CDYL: variants seen among roughly 807,000 people sequenced by gnomAD.
CDYL encodes the protein chromodomain Y like.
CDYL carries 8 observed loss-of-function variants against 47.3 expected under a neutral mutation model. The observed-to-expected ratio is 0.17, with a 90% CI of 0.10 to 0.31. CDYL has a LOEUF of 0.31. Among genes scored for constraint, CDYL ranks in the 10% least tolerant of loss-of-function variants. The pLI is 1.00. For missense variants in CDYL, 471 were observed against 701.4 expected (o/e 0.67, Z 3.71); for synonymous variants, 266 against 265.0 (o/e 1.00, Z -0.04).
chr6:4,953,558 T>G (rs1272815506), intron 6 of CDYL, among the ~76,000 whole-genome samples: 1 of 152,184 alleles, frequency 6.6e-6, no homozygotes, highest in African/African-American at 2.4e-5. Flanking sequence ...TCAACAGGCA[T>G]CCCCAGAGCT....
intron 1 of CDYL, among the ~76,000 whole-genome samples, chr6:4,866,656 G>A (rs1467220968): frequency 2.6e-5 from 4 of 152,034 alleles, no homozygotes; most frequent in African/African-American, 9.7e-5. Context: ...TTTGCTTAAA[G>A]TCACAGTTTC....
chr6:4,801,164 A>G (rs145861522), intron 1 of CDYL, among the ~76,000 whole-genome samples: 2 of 152,322 alleles, frequency 1.3e-5, no homozygotes, highest in East Asian at 3.9e-4. Context: ...AGCCAGTCTA[A>G]TGCATTTATT....
intron 2 of CDYL, among the ~76,000 whole-genome samples, chr6:4,932,856 T>A (rs1758071501): frequency 6.6e-6 from 1 of 152,202 alleles, no homozygotes. Flanking sequence ...TTTTAACAAC[T>A]GCTGTGCCCA....
intron 1 of CDYL, among the ~76,000 whole-genome samples, chr6:4,799,401 A>C (rs1759162468): frequency 6.6e-6 from 1 of 152,182 alleles, no homozygotes; most frequent in South Asian, 2.1e-4. Context: ...CTTTTCATAA[A>C]TACCAGCTAA....
chr6:4,847,059 C>T (rs898590520), intron 1 of CDYL, among the ~76,000 whole-genome samples: 28 of 152,174 alleles, frequency 1.8e-4, no homozygotes, highest in Admixed American at 1.8e-3. Context: ...CTAATGAGAC[C>T]CAGTTACAGT....
At chr6:4,795,108 T>C (rs1418357082) in intron 1 of CDYL, among the ~76,000 whole-genome samples, 1 of 152,158 alleles carries the variant, frequency 6.6e-6, no homozygotes, top group African/African-American at 2.4e-5. Flanking sequence ...CTGTAAAATT[T>C]TACTATTAAA....
rs1757720533 is a variant in CDYL, at chr6:4,737,338, A to C, written c.186+2494A>C. On this transcript the variant is annotated intron_variant, in intron 3 of 8. Transcript: ENST00000328908. ...ACACGTCACAGACCAAAAATAACAA[A>C]CTTAAGAAATATTTGCAACAAAAAT... Among the ~76,000 whole-genome samples, 3 of 123,716 alleles carry C rather than the reference A, an allele frequency of 2.4e-5. No homozygotes were observed. The South Asian group carries it at 9.2e-4, about 38-fold the overall frequency. 81.2% of individuals were successfully genotyped at this position (123,716 alleles called of 152,430 possible).
At chr6:4,731,971 C>T (rs1012713780) in intron 2 of CDYL, among the ~76,000 whole-genome samples, 1 of 152,020 alleles carries the variant, frequency 6.6e-6, no homozygotes, top group Non-Finnish European at 1.5e-5. Flanking sequence ...ATAATATATT[C>T]TCTTGTATGT....
At chr6:4,834,433 C>G (rs1452278675) in intron 1 of CDYL, among the ~76,000 whole-genome samples, 2 of 148,290 alleles carry the variant, frequency 1.3e-5, no homozygotes, top group African/African-American at 5.0e-5. Context: ...GAGTTTCTGC[C>G]GAGAGATCCG....
intron 5 of CDYL, 116 bp downstream of exon 5, chr6:4,943,872 C>A: frequency 1.3e-6 from 1 of 745,472 alleles, no homozygotes; most frequent in South Asian, 2.1e-5. Flanking sequence ...TGGGGACTTT[C>A]CATCTTGTAA....
intron 1 of CDYL, among the ~76,000 whole-genome samples, chr6:4,868,317 C>A (rs1761379521): frequency 6.6e-6 from 1 of 151,744 alleles, no homozygotes; most frequent in African/African-American, 2.4e-5. Flanking sequence ...TCATTCAATT[C>A]TAAATACTTT....
chr6:4,789,685 G>A (rs115242843), intron 1 of CDYL, among the ~76,000 whole-genome samples: 326 of 152,282 alleles, frequency 2.1e-3, no homozygotes, highest in African/African-American at 7.4e-3. Context: ...TGGGTTCAGC[G>A]TTGTTCCCAA....
At chr6:4,910,533 C>T (rs1196875918) in intron 2 of CDYL, among the ~76,000 whole-genome samples, 1 of 152,228 alleles carries the variant, frequency 6.6e-6, no homozygotes, top group African/African-American at 2.4e-5. Flanking sequence ...CTCTGAAAGC[C>T]AGTGCTTGCT....
At chr6:4,753,086 C>T (rs879457205) in intron 3 of CDYL, among the ~76,000 whole-genome samples, 4 of 151,942 alleles carry the variant, frequency 2.6e-5, no homozygotes, top group Non-Finnish European at 4.4e-5. Context: ...CCCGGCTAAT[C>T]CTTCTGGTAG....
chr6:4,877,046 C>T (rs962899384), intron 1 of CDYL, among the ~76,000 whole-genome samples: 1 of 152,224 alleles, frequency 6.6e-6, no homozygotes, highest in Non-Finnish European at 1.5e-5. Flanking sequence ...AGGAATGGGC[C>T]CTCGCCAGAC....
At chr6:4,900,478 T>C (rs1453508215) in intron 2 of CDYL, among the ~76,000 whole-genome samples, 2 of 152,036 alleles carry the variant, frequency 1.3e-5, no homozygotes, top group Non-Finnish European at 2.9e-5. Flanking sequence ...ATTTTTTTCC[T>C]ATTCGAGGAT....
intron 2 of CDYL, among the ~76,000 whole-genome samples, chr6:4,728,713 G>A (rs1048595667): frequency 1.3e-5 from 2 of 152,138 alleles, no homozygotes; most frequent in African/African-American, 4.8e-5. Context: ...AGTGACCAGG[G>A]TAGCTTTCTG....
At chr6:4,885,733 C>T (rs1362485320) in intron 1 of CDYL, among the ~76,000 whole-genome samples, 1 of 152,200 alleles carries the variant, frequency 6.6e-6, no homozygotes, top group Non-Finnish European at 1.5e-5. Flanking sequence ...TCACTTCCCC[C>T]TTTCTTTAAA....
Position 4,851,126 on chromosome 6 carries a change from A to G in CDYL, c.25-40587A>G, listed in dbSNP as rs1354647006. On this transcript the variant is annotated intron_variant, in intron 1 of 6. Transcript: ENST00000397588. ...CCTACACGTTCCCTTTCAGAGCCAG[A>G]GGACATGGACGTCTTATTTAGTAGA... 2.0e-5 allele frequency among the ~76,000 whole-genome samples: 3 copies of G among 152,172 alleles called. No individual in the cohort carries two copies. In the East Asian group the frequency reaches 5.8e-4, roughly 29 times the overall value.
Sources: allele counts gnomAD v4.1 joint callset (sites outside exome capture counted in the v4.1 genomes callset), GRCh38; gene constraint gnomAD v4.1.1; transcripts MANE v1.5; gene names NCBI Gene and HGNC (gene_info 2026-07-23, HGNC 2026-07-21).